The following WDR41 variants were observed in gnomAD, a reference collection of about 807,000 sequenced individuals.
The protein encoded by WDR41 is WD repeat domain 41.
In WDR41, 63 loss-of-function variants were observed where a neutral mutation model predicts 69.3. That is an observed-to-expected ratio of 0.91 (90% CI 0.74 to 1.12). The LOEUF is 1.12. Ranked by LOEUF, WDR41 falls within the 50% of genes most tolerant of loss-of-function variation. The probability of loss-of-function intolerance (pLI) is 0.00; values close to 1 mark genes in which losing one functional copy is unlikely to be tolerated. For missense variants in WDR41, 543 were observed against 534.5 expected, an observed-to-expected ratio of 1.02 and a Z score of -0.16; for synonymous variants, 185 against 192.1, an observed-to-expected ratio of 0.96 and a Z score of 0.31.
At chr5:77,476,769 C>T (rs1035559078) in intron 2 of WDR41, among the ~76,000 whole-genome samples, 4 of 149,858 alleles carry the variant, frequency 2.7e-5, no homozygotes, top group Non-Finnish European at 5.9e-5. Context: ...CATCAACTAA[C>T]AAGCAAAATA....
intron 1 of WDR41, among the ~76,000 whole-genome samples, chr5:77,547,539 A>AC (rs1743221124): frequency 6.6e-6 from 1 of 151,734 alleles, no homozygotes; most frequent in African/African-American, 2.4e-5. Flanking sequence ...AAAAAAAAAA[A>AC]CAAACAAAAA....
At chr5:77,475,817 T>C (rs1800894273) in intron 2 of WDR41, among the ~76,000 whole-genome samples, 1 of 152,118 alleles carries the variant, frequency 6.6e-6, no homozygotes, top group Non-Finnish European at 1.5e-5. Flanking sequence ...CAAAGCTGGA[T>C]GGAGAATGAC....
chr5:77,492,288 C>T lies in WDR41; in HGVS notation c.-68G>A. The T allele has an allele frequency of 6.3e-7, 1 of 1,594,866 alleles. No individual in the cohort carries two copies. The highest frequency in any genetic ancestry group is 8.5e-7 in the Non-Finnish European group (1 of 1,170,048). ...CCAAACTCCGCCCCAGGCTCGGCCT[C>T]CTCCTTCCTCCCCGGCTGCAGCGCA... On this transcript the variant is annotated 5_prime_UTR_variant, in exon 1 of 13. Transcript: ENST00000296679.
chr5:77,433,099 T>C lies in WDR41; in HGVS notation c.*36A>G, dbSNP rs759565620. On this transcript the variant is annotated 3_prime_UTR_variant, in exon 13 of 13. Transcript: ENST00000296679. ...CAGAGTAGTACCCGATATTTGATGT[T>C]CAAGGTTCATGCATGTGTATTTTTA... 6.4e-7 allele frequency: 1 copy of C among 1,569,276 alleles called. No individual in the cohort carries two copies. The highest frequency in any genetic ancestry group is 8.6e-7 in the Non-Finnish European group (1 of 1,158,468).
At chr5:77,508,921 T>C (rs188450940) in intron 1 of WDR41, among the ~76,000 whole-genome samples, 42 of 152,332 alleles carry the variant, frequency 2.8e-4, no homozygotes, top group African/African-American at 9.6e-4. Context: ...CTTTAAAACC[T>C]TCTGCCCCTT....
chr5:77,586,488 G>A (rs1349670421), intron 1 of WDR41, among the ~76,000 whole-genome samples: 1 of 151,878 alleles, frequency 6.6e-6, no homozygotes, highest in African/African-American at 2.4e-5. Context: ...TGTATTATTT[G>A]TACGGAAAGG....
intron 1 of WDR41, among the ~76,000 whole-genome samples, chr5:77,578,262 A>G (rs1265844638): frequency 6.6e-6 from 1 of 152,172 alleles, no homozygotes; most frequent in African/African-American, 2.4e-5. Flanking sequence ...AATGTCATAG[A>G]GTTTAACAGG....
chr5:77,596,461 C>T (rs1580040947), intron 1 of WDR41, among the ~76,000 whole-genome samples: 1 of 151,688 alleles, frequency 6.6e-6, no homozygotes, highest in Admixed American at 6.6e-5. Context: ...CAGTTTCCAA[C>T]TTGGGGAAAA....
chr5:77,481,725 G>T (rs1801272200), intron 2 of WDR41, among the ~76,000 whole-genome samples: 1 of 143,594 alleles, frequency 7.0e-6, no homozygotes, highest in African/African-American at 2.6e-5. Context: ...GCGGTGGTTG[G>T]AGTGAACCAA....
At chr5:77,438,829 G>T (rs1267611641) in intron 9 of WDR41, among the ~76,000 whole-genome samples, 3 of 151,980 alleles carry the variant, frequency 2.0e-5, no homozygotes, top group Admixed American at 2.0e-4. Flanking sequence ...AAAAAAGCAC[G>T]GCTACAGTGG....
At position 77,488,736 on chromosome 5, in the gene WDR41, T is replaced by G. The variant is rs1032782714; in HGVS notation, c.167+721A>C. ...GCTACATGTAAGGCACTGTACTAGG[T>G]ACTAAGAAAACATGGTGAATAAGAA... On this transcript the variant is annotated intron_variant, in intron 2 of 12. Coordinates refer to ENST00000296679, the MANE Select transcript of WDR41 (RefSeq NM_018268.4). Among the ~76,000 whole-genome samples the G allele has an allele frequency of 4.6e-5, 7 of 152,272 alleles. No homozygotes were observed. The East Asian group carries it at 1.2e-3, about 25-fold the overall frequency.
At chr5:77,507,039 A>T (rs1452075783) in intron 1 of WDR41, among the ~76,000 whole-genome samples, 1 of 152,204 alleles carries the variant, frequency 6.6e-6, no homozygotes, top group East Asian at 1.9e-4. Context: ...GTATAATTTT[A>T]AAAAAAGAAA....
intron 1 of WDR41, among the ~76,000 whole-genome samples, chr5:77,561,339 G>T (rs1247524409): frequency 6.6e-6 from 1 of 152,096 alleles, no homozygotes; most frequent in Non-Finnish European, 1.5e-5. Flanking sequence ...GCAAAATCCA[G>T]TTTACTTTGC....
intron 1 of WDR41, among the ~76,000 whole-genome samples, chr5:77,512,745 C>CAAAAAAAA (rs71606301): frequency 4.0e-5 from 3 of 74,084 alleles, no homozygotes; most frequent in African/African-American, 9.6e-5. Flanking sequence ...GACTCCATCT[C>CAAAAAAAA]AAAAAAAAAA....
intron 8 of WDR41, among the ~76,000 whole-genome samples, chr5:77,444,027 T>A (rs1021001780): frequency 3.3e-5 from 5 of 151,936 alleles, no homozygotes; most frequent in Non-Finnish European, 7.4e-5. Flanking sequence ...ACTACAGGCA[T>A]GTGACACCAC....
intron 1 of WDR41, among the ~76,000 whole-genome samples, chr5:77,560,247 G>A (rs1337094620): frequency 6.6e-6 from 1 of 152,112 alleles, no homozygotes; most frequent in Non-Finnish European, 1.5e-5. Flanking sequence ...TATACCATAA[G>A]CACTAGCCCA....
intron 1 of WDR41, among the ~76,000 whole-genome samples, chr5:77,588,484 C>A (rs1420160966): frequency 1.3e-5 from 2 of 152,008 alleles, no homozygotes; most frequent in East Asian, 1.9e-4. Context: ...ATAAAGATTC[C>A]TTTTTTACTT....
rs183806772 is a variant in WDR41 at position 77,485,629 on chromosome 5, C to T, written c.167+3828G>A. On this transcript the variant is annotated intron_variant, in intron 2 of 12. Transcript: ENST00000296679. ...ACTCAGTTTAGTTTAATGTGTCAAA[C>T]GCTAGAGTATTACATGAAATTTTAG... Among the ~76,000 whole-genome samples, 97 of 152,242 alleles carry T rather than the reference C, an allele frequency of 6.4e-4. 1 individual carries two copies. Among genetic ancestry groups the T allele is most frequent in the Admixed American group, 6.1e-3 (94 of 15,288 alleles).
chr5:77,614,244 C>A (rs946382398), intron 1 of WDR41, among the ~76,000 whole-genome samples: 18 of 150,142 alleles, frequency 1.2e-4, no homozygotes, highest in African/African-American at 4.2e-4. Flanking sequence ...GTGGCGATTC[C>A]TCAGGGATCT....
Sources: allele counts gnomAD v4.1 joint callset (sites outside exome capture counted in the v4.1 genomes callset), GRCh38; gene constraint gnomAD v4.1.1; transcripts MANE v1.5; gene names NCBI Gene and HGNC (gene_info 2026-07-23, HGNC 2026-07-21).